The following RNF38 variants were observed in gnomAD, a reference collection of about 807,000 sequenced individuals.
The protein encoded by RNF38 is ring finger protein 38, also known as E3 ubiquitin-protein ligase RNF38.
A neutral mutation model predicts 67.2 loss-of-function variants in RNF38; 15 were observed. That is an observed-to-expected ratio of 0.22 (90% CI 0.15 to 0.34). The LOEUF is 0.34. RNF38 is among the 10% of genes least tolerant of loss of function. The pLI is 1.00. For synonymous variants in RNF38, 220 were observed against 218.8 expected (o/e 1.01, Z -0.05); for missense variants, 524 against 639.9 (o/e 0.82, Z 1.95).
intron 2 of RNF38, among the ~76,000 whole-genome samples, chr9:36,415,189 G>A (rs1838429144): frequency 6.6e-6 from 1 of 152,038 alleles, no homozygotes; most frequent in South Asian, 2.1e-4. Context: ...TTATTCTTAG[G>A]CTTGATCGTT....
chr9:36,436,818 CAAAAAAA>C (rs35428713), intron 1 of RNF38, among the ~76,000 whole-genome samples: 1 of 80,344 alleles, frequency 1.2e-5, no homozygotes, highest in Non-Finnish European at 2.4e-5. Context: ...CGAGACTCCT[CAAAAAAA>C]AAAAAAAAAA....
chr9:36,422,775 C>CT (rs1222532538), intron 2 of RNF38, among the ~76,000 whole-genome samples: 1 of 152,150 alleles, frequency 6.6e-6, no homozygotes, highest in Non-Finnish European at 1.5e-5. Flanking sequence ...CTTCTCTTCC[C>CT]TTTTTTCCCC....
At chr9:36,428,906 T>C (rs1000838675) in intron 1 of RNF38, among the ~76,000 whole-genome samples, 6 of 152,108 alleles carry the variant, frequency 3.9e-5, no homozygotes, top group African/African-American at 1.4e-4. Flanking sequence ...GTAGAGAGCA[T>C]TTGCCTGCCA....
chr9:36,365,715 G>C (rs1242078086), intron 4 of RNF38, among the ~76,000 whole-genome samples: 2 of 117,728 alleles, frequency 1.7e-5, no homozygotes, highest in Non-Finnish European at 3.2e-5. Context: ...GCCCAGACTG[G>C]AGTGCAGTGG....
Position 36,463,791 on chromosome 9 carries a change from C to T in RNF38, n.241+23517G>A, listed in dbSNP as rs187924280. The stretch of plus-strand genomic sequence containing the variant: ...TTTCCCTAATCATCTCTCTAATCAC[C>T]AAGAAGAGACTAAGCTATTTTTCTC... On this transcript the variant is annotated intron_variant and non_coding_transcript_variant, in intron 1 of 3. Transcript: ENST00000488058. Among the ~76,000 whole-genome samples the T allele has an allele frequency of 1.5e-3, 222 of 152,256 alleles. 2 individuals carry two copies. The highest frequency in any genetic ancestry group is 1.4e-3 in the Non-Finnish European group (97 of 68,016).
intron 4 of RNF38, among the ~76,000 whole-genome samples, chr9:36,360,784 A>C (rs1377492489): frequency 1.3e-5 from 2 of 152,140 alleles, no homozygotes; most frequent in Non-Finnish European, 2.9e-5. Flanking sequence ...CCTTTGTCAC[A>C]AATACCACCC....
intron 1 of RNF38, among the ~76,000 whole-genome samples, chr9:36,466,103 T>C (rs1839856954): frequency 1.3e-5 from 2 of 152,200 alleles, no homozygotes; most frequent in African/African-American, 4.8e-5. Context: ...ACAACATAGA[T>C]GAACCTGAAA....
At chr9:36,394,794 T>C (rs1457789275) in intron 1 of RNF38, among the ~76,000 whole-genome samples, 3 of 152,234 alleles carry the variant, frequency 2.0e-5, no homozygotes, top group Admixed American at 6.5e-5. Context: ...CTAGTTTGAT[T>C]AGTAAGTATC....
intron 2 of RNF38, among the ~76,000 whole-genome samples, chr9:36,386,005 G>A (rs1012101592): frequency 3.3e-5 from 5 of 152,174 alleles, no homozygotes; most frequent in Admixed American, 6.5e-5. Context: ...CCAAGAGTAC[G>A]TCCAATCCCG....
At chr9:36,409,462 A>C (rs1206615690) in intron 2 of RNF38, among the ~76,000 whole-genome samples, 1 of 152,194 alleles carries the variant, frequency 6.6e-6, no homozygotes, top group African/African-American at 2.4e-5. Context: ...TCACAGTCTT[A>C]AGAAGTTTGA....
At chr9:36,423,898 G>C (rs1428768500) in intron 2 of RNF38, among the ~76,000 whole-genome samples, 1 of 116,972 alleles carries the variant, frequency 8.5e-6, no homozygotes, top group African/African-American at 3.2e-5. Flanking sequence ...GCAGTGAGCC[G>C]AGATTGCGCC....
chr9:36,375,227 G>A (rs1048700965), intron 3 of RNF38, among the ~76,000 whole-genome samples: 30 of 152,254 alleles, frequency 2.0e-4, no homozygotes, highest in Admixed American at 1.8e-3. Flanking sequence ...GTCTCATTCT[G>A]TCACCAACGC....
rs73648741 is a variant in RNF38, at chr9:36,357,537, C to T, written c.738+238G>A. ...AAGTTAATTAATGTAAAAATATATC[C>T]GGTTATAAAGCTAATTTTCTTAAAT... On this transcript the variant is annotated intron_variant, in intron 5 of 11. Transcript: ENST00000259605. 3.8e-3 allele frequency among the ~76,000 whole-genome samples: 575 copies of T among 152,040 alleles called. 3 individuals carry two copies. The highest frequency in any genetic ancestry group is 0.013 in the African/African-American group (547 of 41,448).
chr9:36,463,048 G>T (rs1839771533), intron 1 of RNF38, among the ~76,000 whole-genome samples: 1 of 151,950 alleles, frequency 6.6e-6, no homozygotes, highest in Non-Finnish European at 1.5e-5. Flanking sequence ...CTACTCCATA[G>T]GCAGAGCAGC....
At position 36,400,128 on chromosome 9, in the gene RNF38, T is replaced by G. The variant is rs371620238; in HGVS notation, c.-20A>C. 2.5e-6 allele frequency: 4 copies of G among 1,611,712 alleles called. No homozygotes were observed. Among genetic ancestry groups the G allele is most frequent in the Non-Finnish European group, 3.4e-6 (4 of 1,179,140 alleles). On this transcript the variant is annotated 5_prime_UTR_variant, in exon 1 of 12. Transcript: ENST00000259605. The stretch of plus-strand genomic sequence containing the variant: ...AGCCATACAGACGTAAACAAAAACT[T>G]TATTTCTTTTTGGACCTCAATAACC...
chr9:36,409,552 C>T (rs983559256), intron 2 of RNF38, among the ~76,000 whole-genome samples: 5 of 152,208 alleles, frequency 3.3e-5, no homozygotes, highest in African/African-American at 9.6e-5. Flanking sequence ...GAGGAACACA[C>T]TTTCTTTCCT....
At chr9:36,343,139 A>G (rs1261525072) in intron 10 of RNF38, among the ~76,000 whole-genome samples, 1 of 152,052 alleles carries the variant, frequency 6.6e-6, no homozygotes, top group Non-Finnish European at 1.5e-5. Flanking sequence ...GTTATTTTCT[A>G]TTTTTATTTT....
At chr9:36,355,894 T>C (rs1435703921) in intron 6 of RNF38, among the ~76,000 whole-genome samples, 1 of 152,204 alleles carries the variant, frequency 6.6e-6, no homozygotes, top group African/African-American at 2.4e-5. Flanking sequence ...TCGCCCAGGC[T>C]GGAGTGCAGT....
At chr9:36,443,571 C>T (rs1176295842) in intron 1 of RNF38, among the ~76,000 whole-genome samples, 1 of 152,134 alleles carries the variant, frequency 6.6e-6, no homozygotes, top group Non-Finnish European at 1.5e-5. Context: ...TTAGGAATCA[C>T]TACAAATAGA....
Sources: allele counts gnomAD v4.1 joint callset (sites outside exome capture counted in the v4.1 genomes callset), GRCh38; gene constraint gnomAD v4.1.1; transcripts MANE v1.5; gene names NCBI Gene and HGNC (gene_info 2026-07-23, HGNC 2026-07-21).